Variants in PCSK2 observed in about 807,000 individuals in gnomAD.
PCSK2 encodes the protein neuroendocrine convertase 2.
PCSK2 carries 14 observed loss-of-function variants against 69.7 expected under a neutral mutation model. The observed-to-expected ratio is 0.20, with a 90% CI of 0.13 to 0.31. The LOEUF (loss-of-function observed/expected upper bound fraction) is 0.31, where lower values mean the gene tolerates loss of function less well. Ranked by LOEUF, PCSK2 falls within the 10% of genes least tolerant of loss-of-function variation. The pLI is 1.00. For missense variants in PCSK2, 544 were observed against 842.5 expected (o/e 0.65, Z 4.39); for synonymous variants, 307 against 320.7 (o/e 0.96, Z 0.46).
chr20:17,253,235 T>C (rs1193507208), intron 1 of PCSK2, among the ~76,000 whole-genome samples: 1 of 152,218 alleles, frequency 6.6e-6, no homozygotes, highest in Non-Finnish European at 1.5e-5. Flanking sequence ...ATAAAATTTA[T>C]CCTCTAAAAA....
At chr20:17,241,703 A>C (rs1231297654) in intron 1 of PCSK2, among the ~76,000 whole-genome samples, 1 of 152,224 alleles carries the variant, frequency 6.6e-6, no homozygotes, top group Non-Finnish European at 1.5e-5. Context: ...TAGAGCAGCC[A>C]GTTCTATCCA....
intron 1 of PCSK2, among the ~76,000 whole-genome samples, chr20:17,243,185 T>G (rs977856550): frequency 6.6e-6 from 1 of 152,076 alleles, no homozygotes; most frequent in Non-Finnish European, 1.5e-5. Context: ...TTCCAATGAG[T>G]TGCTTCTTGT....
chr20:17,440,862 CAAA>C (rs3076117), intron 8 of PCSK2, among the ~76,000 whole-genome samples: 35 of 122,860 alleles, frequency 2.8e-4, no homozygotes, highest in East Asian at 1.4e-3. Flanking sequence ...AACTCTATCT[CAAA>C]AAAAAAAAAA....
At chr20:17,349,277 C>T (rs928850838) in intron 2 of PCSK2, among the ~76,000 whole-genome samples, 1 of 152,198 alleles carries the variant, frequency 6.6e-6, no homozygotes, top group African/African-American at 2.4e-5. Flanking sequence ...TATGCTGCCT[C>T]CTTCACAATA....
At chr20:17,368,879 TA>T (rs2030677041) in intron 4 of PCSK2, among the ~76,000 whole-genome samples, 3 of 152,248 alleles carry the variant, frequency 2.0e-5, no homozygotes, top group Admixed American at 6.5e-5. Context: ...CATGCCCTGT[TA>T]AATAATAATC....
chr20:17,298,816 TAGTC>T lies in PCSK2; in HGVS notation c.282+38478_282+38481del, dbSNP rs1356846528. On this transcript the variant is annotated intron_variant, in intron 2 of 11. Transcript: ENST00000262545. ...ACTCACTGGAAGCAGATGAAGCTAT[TAGTC>T]AGTCATTCCCCAGCCTCTGAGAAGG... Among the ~76,000 whole-genome samples, 5 of 152,320 alleles carry T rather than the reference TAGTC, an allele frequency of 3.3e-5. No homozygotes were observed. In the East Asian group the frequency reaches 5.8e-4, roughly 18 times the overall value.
In PCSK2 at chr20:17,410,932, T is replaced by C. The variant is rs946552957; in HGVS notation, c.620+1593T>C. Among the ~76,000 whole-genome samples the C allele has an allele frequency of 7.9e-5, 12 of 152,348 alleles. No homozygotes were observed. The East Asian group carries it at 2.3e-3, about 29-fold the overall frequency. ...GGCAACATATCCACTGGCTACTTGC[T>C]GTCTTTCTGTAACTAGTAGGTACTA... On this transcript the variant is annotated intron_variant, in intron 6 of 11. Transcript: ENST00000262545.
chr20:17,447,527 G>A (rs942309262), intron 8 of PCSK2, among the ~76,000 whole-genome samples: 2 of 152,140 alleles, frequency 1.3e-5, no homozygotes, highest in Admixed American at 1.3e-4. Flanking sequence ...GAGTTCTCAT[G>A]CACTGCTGGT....
At position 17,373,483 on chromosome 20, in the gene PCSK2, G is replaced by C. The variant is rs74357168; in HGVS notation, c.543+4206G>C. Among the ~76,000 whole-genome samples the C allele has an allele frequency of 2.0e-4, 31 of 152,306 alleles. No individual in the cohort carries two copies. In the East Asian group the frequency reaches 5.4e-3, roughly 27 times the overall value. ...GGTACAGACAGCTGCAGCTTACCAGGGACATGAGGGTTTCAGGCTGAAGGG... is the reference window on the plus strand; with the variant it reads ...GGTACAGACAGCTGCAGCTTACCAGCGACATGAGGGTTTCAGGCTGAAGGG... On this transcript the variant is annotated intron_variant, in intron 5 of 11. Transcript: ENST00000262545.
intron 4 of PCSK2, among the ~76,000 whole-genome samples, chr20:17,364,301 T>C (rs1484986735): frequency 6.6e-6 from 1 of 152,084 alleles, no homozygotes; most frequent in African/African-American, 2.4e-5. Context: ...TAGAAAACAG[T>C]AGGAAGGTCC....
At chr20:17,442,062 T>C (rs6034826) in intron 8 of PCSK2, among the ~76,000 whole-genome samples, 99,204 of 149,110 alleles carry the variant, frequency 0.67, 33,251 homozygotes, top group African/African-American at 0.75. Flanking sequence ...CAGATAGGCA[T>C]ACAGGGAGAA....
At chr20:17,260,696 G>A (rs960092390) in intron 2 of PCSK2, among the ~76,000 whole-genome samples, 4 of 152,096 alleles carry the variant, frequency 2.6e-5, no homozygotes, top group Non-Finnish European at 4.4e-5. Flanking sequence ...GTCATTTTAC[G>A]GAAGGTTTCT....
rs553556017 is a variant in PCSK2, at chr20:17,336,723, G to A, written c.283-21604G>A. 3.2e-4 allele frequency among the ~76,000 whole-genome samples: 49 copies of A among 152,252 alleles called. 2 individuals are homozygous for A. In the East Asian group the frequency reaches 5.8e-3, roughly 18 times the overall value. On this transcript the variant is annotated intron_variant, in intron 2 of 11. Transcript: ENST00000262545. ...CATTTGCTAATTGATAATACAGCTC[G>A]CCCCTGTGGCACTAAGTAGCATAGT... is the stretch of plus-strand genomic sequence containing the variant.
rs376315899 is a variant in PCSK2 at position 17,470,833 on chromosome 20, C to G, written c.1430+5280C>G. ...AAGACTTACGATGTCTGTGCCTTTA[C>G]AGACACTCTGCAAGCAGGGAGTGGG... On this transcript the variant is annotated intron_variant, in intron 11 of 11. Coordinates refer to ENST00000262545, the MANE Select transcript of PCSK2 (RefSeq NM_002594.5). Among the ~76,000 whole-genome samples the G allele has an allele frequency of 3.4e-3, 518 of 152,290 alleles. 6 individuals carry two copies. The highest frequency in any genetic ancestry group is 0.034 in the Middle Eastern group (10 of 294).
intron 10 of PCSK2, among the ~76,000 whole-genome samples, chr20:17,462,951 G>A (rs1309324892): frequency 6.6e-6 from 1 of 152,144 alleles, no homozygotes; most frequent in Non-Finnish European, 1.5e-5. Context: ...GAATATTGTA[G>A]TCTGTCAATT....
At chr20:17,345,463 G>T (rs1401772284) in intron 2 of PCSK2, among the ~76,000 whole-genome samples, 1 of 152,148 alleles carries the variant, frequency 6.6e-6, no homozygotes, top group Non-Finnish European at 1.5e-5. Flanking sequence ...AATATTTCAG[G>T]CTTTGAGGCC....
chr20:17,344,518 T>A (rs368424354), intron 2 of PCSK2, among the ~76,000 whole-genome samples: 1 of 152,184 alleles, frequency 6.6e-6, no homozygotes, highest in African/African-American at 2.4e-5. Context: ...AGGAAGTGAA[T>A]CTTCTCTCCT....
At chr20:17,282,629 A>G (rs974995567) in intron 2 of PCSK2, among the ~76,000 whole-genome samples, 1 of 151,956 alleles carries the variant, frequency 6.6e-6, no homozygotes, top group African/African-American at 2.4e-5. Flanking sequence ...GAGGCCTAAA[A>G]AACAGCCACA....
At position 17,409,244 on chromosome 20, in the gene PCSK2, G is replaced by A. The variant is rs753862144; in HGVS notation, c.544-19G>A. ...GCCTCTGGCTGTACGGACCTAATGA[G>A]ATGCCTTGTGTTTTTCAGAATGCCG... On this transcript the variant is annotated intron_variant, in intron 5 of 11. Transcript: ENST00000262545. The A allele has an allele frequency of 6.2e-7, 1 of 1,607,702 alleles. No individual in the cohort carries two copies. The highest frequency in any genetic ancestry group is 1.1e-5 in the South Asian group (1 of 90,964).
Sources: gnomAD v4.1 joint callset for allele counts (sites outside exome capture counted in the v4.1 genomes callset) on GRCh38, gnomAD v4.1.1 for gene constraint, MANE v1.5 for transcripts, NCBI Gene and HGNC (gene_info 2026-07-23, HGNC 2026-07-21) for gene names.